The following ITGA9 variants were observed in gnomAD, a reference collection of about 807,000 sequenced individuals.
ITGA9 encodes the protein integrin subunit alpha 9, also known as integrin alpha-9.
Under a neutral mutation model 127.8 loss-of-function variants are expected in ITGA9, and 56 were observed. The observed-to-expected ratio is 0.44, with a 90% CI of 0.35 to 0.55. The LOEUF (loss-of-function observed/expected upper bound fraction) is 0.55, where lower values mean the gene tolerates loss of function less well. Ranked by LOEUF, ITGA9 falls within the 20% of genes least tolerant of loss-of-function variation. ITGA9 has a pLI of 0.00. For synonymous variants in ITGA9, 508 were observed against 514.5 expected, an observed-to-expected ratio of 0.99 and a Z score of 0.17; for missense variants, 1,196 against 1,347.1, an observed-to-expected ratio of 0.89 and a Z score of 1.76.
rs779960601 is a variant in ITGA9, at chr3:37,471,008, G to A, written c.187G>A (p.Val63Ile). The part of the protein sequence containing the change: ...LEHFHDNTRW[V>I]LVGAPKADSK... ...GAATGCCTTTTTCTCTTGCTGCAGG[G>A]TCCTTGTGGGCGCACCAAAGGCAGA... is the stretch of plus-strand genomic sequence containing the variant. Residue 63 changes from valine (V) to isoleucine (I), a missense_variant and splice_region_variant, in exon 2 of 28, where the codon GTC becomes ATC. Coordinates refer to ENST00000264741, the MANE Select transcript of ITGA9 (RefSeq NM_002207.3). 11 of 1,614,028 alleles carry A rather than the reference G, an allele frequency of 6.8e-6. No individual in the cohort carries two copies. The Admixed American group carries it at 1.7e-4, about 24-fold the overall frequency.
intron 4 of ITGA9, among the ~76,000 whole-genome samples, chr3:37,487,701 C>T (rs1446794685): frequency 6.6e-6 from 1 of 152,088 alleles, no homozygotes; most frequent in Non-Finnish European, 1.5e-5. Flanking sequence ...ATGAAGGTCA[C>T]AGGCTTATTA....
chr3:37,645,650 A>T (rs1386736216), intron 16 of ITGA9, among the ~76,000 whole-genome samples: 2 of 152,252 alleles, frequency 1.3e-5, no homozygotes, highest in African/African-American at 4.8e-5. Context: ...CAATTCTTCT[A>T]CTTTTTTTAG....
intron 4 of ITGA9, among the ~76,000 whole-genome samples, chr3:37,490,484 T>C (rs1395524244): frequency 6.6e-6 from 1 of 152,198 alleles, no homozygotes; most frequent in Non-Finnish European, 1.5e-5. Context: ...ATTGATGTGT[T>C]AAAAAGCTTT....
intron 15 of ITGA9, among the ~76,000 whole-genome samples, chr3:37,594,262 A>G (rs1034103676): frequency 1.3e-5 from 2 of 152,116 alleles, no homozygotes; most frequent in Non-Finnish European, 2.9e-5. Context: ...GTACGTTTAT[A>G]CCAGGAGCAA....
At chr3:37,681,233 T>G (rs764562499) in intron 17 of ITGA9, among the ~76,000 whole-genome samples, 12 of 152,172 alleles carry the variant, frequency 7.9e-5, no homozygotes, top group Non-Finnish European at 1.8e-4. Flanking sequence ...ATTAAAAGGA[T>G]GTGGGGTGGT....
chr3:37,760,399 A>G (rs1419033163), intron 23 of ITGA9, among the ~76,000 whole-genome samples: 2 of 152,246 alleles, frequency 1.3e-5, no homozygotes. Context: ...TCTGAAGAAC[A>G]GAAGGAAAAA....
intron 15 of ITGA9, among the ~76,000 whole-genome samples, chr3:37,576,011 A>C (rs1699650843): frequency 6.6e-6 from 1 of 152,248 alleles, no homozygotes; most frequent in African/African-American, 2.4e-5. Context: ...TTCTCAGAAG[A>C]AGCCATGAAG....
At chr3:37,505,884 A>G (rs779988744) in intron 6 of ITGA9, 116 bp from the exon 7 acceptor site, 1 of 779,090 alleles carries the variant, frequency 1.3e-6, no homozygotes, top group Non-Finnish European at 2.2e-6. Flanking sequence ...TTTTCCTGGT[A>G]GTTTATGTTC....
intron 1 of ITGA9, among the ~76,000 whole-genome samples, chr3:37,461,517 T>G (rs1350592317): frequency 1.3e-5 from 2 of 152,224 alleles, no homozygotes; most frequent in Non-Finnish European, 2.9e-5. Context: ...TCTTGTTACT[T>G]GATCTGATTT....
intron 15 of ITGA9, among the ~76,000 whole-genome samples, chr3:37,609,284 T>G (rs1699996860): frequency 6.6e-6 from 1 of 152,168 alleles, no homozygotes; most frequent in Non-Finnish European, 1.5e-5. Context: ...TTACCTCACT[T>G]TGTGTCTTTT....
chr3:37,804,292 G>A (rs1463950208), intron 27 of ITGA9, among the ~76,000 whole-genome samples: 3 of 152,148 alleles, frequency 2.0e-5, no homozygotes, highest in Admixed American at 6.5e-5. Flanking sequence ...ATCAGAAGGC[G>A]AACTATAGAA....
At chr3:37,635,794 C>T (rs1700272098) in intron 16 of ITGA9, among the ~76,000 whole-genome samples, 1 of 128,468 alleles carries the variant, frequency 7.8e-6, no homozygotes, top group African/African-American at 3.0e-5. Flanking sequence ...CCCAACCCCA[C>T]AACCGTCCCC....
chr3:37,496,261 A>G (rs963331338), intron 5 of ITGA9, among the ~76,000 whole-genome samples: 1 of 152,094 alleles, frequency 6.6e-6, no homozygotes, highest in Non-Finnish European at 1.5e-5. Flanking sequence ...CTACCCTCCA[A>G]CCCCCATTCC....
chr3:37,614,583 C>A, intron 15 of ITGA9, among the ~76,000 whole-genome samples: 1 of 151,756 alleles, frequency 6.6e-6, no homozygotes. Flanking sequence ...GATATTGATT[C>A]TTCCTACCCA....
intron 15 of ITGA9, among the ~76,000 whole-genome samples, chr3:37,625,928 A>C (rs1300695287): frequency 1.3e-5 from 2 of 152,292 alleles, no homozygotes; most frequent in East Asian, 3.9e-4. Flanking sequence ...ACATGTAATA[A>C]GAAGCTGCTT....
intron 15 of ITGA9, among the ~76,000 whole-genome samples, chr3:37,619,792 C>A (rs1700110535): frequency 1.3e-5 from 2 of 152,184 alleles, no homozygotes; most frequent in South Asian, 4.2e-4. Context: ...GAATTCACTC[C>A]TGCAGCTGTG....
At chr3:37,667,574 G>T (rs993792071) in intron 17 of ITGA9, among the ~76,000 whole-genome samples, 1 of 152,220 alleles carries the variant, frequency 6.6e-6, no homozygotes, top group Admixed American at 6.5e-5. Flanking sequence ...TTTCTTAGGA[G>T]CCCTGGCTCC....
At chr3:37,731,391 G>A (rs1252052830) in intron 18 of ITGA9, among the ~76,000 whole-genome samples, 1 of 152,134 alleles carries the variant, frequency 6.6e-6, no homozygotes, top group Non-Finnish European at 1.5e-5. Flanking sequence ...GTCTCTGTGT[G>A]AATAACACTG....
At chr3:37,788,628 T>A (rs2507947) in intron 26 of ITGA9, among the ~76,000 whole-genome samples, 80,167 of 151,726 alleles carry the variant, frequency 0.53, 21,427 homozygotes, top group Middle Eastern at 0.58. Context: ...GTCACTCAAT[T>A]TCCTAATATT....
Sources: gnomAD v4.1 joint callset for allele counts (sites outside exome capture counted in the v4.1 genomes callset) on GRCh38, gnomAD v4.1.1 for gene constraint, MANE v1.5 for transcripts, NCBI Gene and HGNC (gene_info 2026-07-23, HGNC 2026-07-21) for gene names.